RAB11FIP1: variants seen among roughly 807,000 people sequenced by gnomAD.
RAB11FIP1 encodes RAB11 family interacting protein 1.
In RAB11FIP1, 49 loss-of-function variants were observed where a neutral mutation model predicts 83.1. The ratio of observed to expected loss-of-function variants is 0.59; its 90% CI spans 0.47 to 0.75. RAB11FIP1 has a LOEUF of 0.75. Ranked by LOEUF, RAB11FIP1 falls within the 30% of genes least tolerant of loss-of-function variation. The pLI, the probability that RAB11FIP1 is intolerant of heterozygous loss-of-function variation, is 0.00. For synonymous variants in RAB11FIP1, 670 were observed against 656.0 expected, an observed-to-expected ratio of 1.02 and a Z score of -0.33; for missense variants, 1,536 against 1,598.7, an observed-to-expected ratio of 0.96 and a Z score of 0.67.
intron 5 of RAB11FIP1, among the ~76,000 whole-genome samples, chr8:37,869,819 T>C (rs997584256): frequency 2.0e-5 from 3 of 152,302 alleles, no homozygotes; most frequent in African/African-American, 7.2e-5. Context: ...TGTTAACCAC[T>C]AGAGAACTGG....
intron 3 of RAB11FIP1, among the ~76,000 whole-genome samples, 170 bp downstream of exon 3, chr8:37,874,345 C>T (rs913068800): frequency 2.6e-5 from 4 of 152,232 alleles, no homozygotes; most frequent in African/African-American, 9.6e-5. Flanking sequence ...TTATACAGGG[C>T]AGGCCAGGCT....
intron 1 of RAB11FIP1, among the ~76,000 whole-genome samples, chr8:37,884,881 C>T (rs1233487177): frequency 6.6e-6 from 1 of 151,930 alleles, no homozygotes; most frequent in Non-Finnish European, 1.5e-5. Flanking sequence ...TAGGGTCTTG[C>T]TATGCTGCCC....
chr8:37,881,527 A>T (rs1299721732), intron 1 of RAB11FIP1, among the ~76,000 whole-genome samples: 5 of 152,242 alleles, frequency 3.3e-5, no homozygotes, highest in Admixed American at 1.3e-4. Flanking sequence ...CAGTATACAA[A>T]GTCATCAAGA....
Position 37,874,830 on chromosome 8 carries a change from A to G in RAB11FIP1, c.1307T>C (p.Leu436Ser). The G allele has an allele frequency of 6.2e-7, 1 of 1,614,098 alleles. No individual in the cohort carries two copies. The highest frequency in any genetic ancestry group is 8.5e-7 in the Non-Finnish European group (1 of 1,180,018). ...SKKPESRRSS[L>S]LSLMTGKKDV... The stretch of plus-strand genomic sequence containing the variant: ...CTTCTTCCCCGTCATCAGAGACAGC[A>G]AAGAGGACCTCCTGCTCTCTGGCTT... The change falls in exon 3 of 6, where the codon TTG becomes TCG. Residue 436 changes from leucine to serine, a missense_variant. Physicochemically the swap from Leu to Ser is moderately radical, Grantham distance 145. Coordinates refer to ENST00000330843, the MANE Select transcript of RAB11FIP1 (RefSeq NM_001002814.3).
intron 1 of RAB11FIP1, among the ~76,000 whole-genome samples, chr8:37,897,788 C>T (rs1807119562): frequency 6.6e-6 from 1 of 152,138 alleles, no homozygotes; most frequent in African/African-American, 2.4e-5. Flanking sequence ...CCAGGGCACA[C>T]ACCACACTGT....
At chr8:37,893,517 C>T (rs1230374458) in intron 1 of RAB11FIP1, among the ~76,000 whole-genome samples, 1 of 152,058 alleles carries the variant, frequency 6.6e-6, no homozygotes, top group Non-Finnish European at 1.5e-5. Flanking sequence ...AGCAAGGTGG[C>T]GCACACCTGT....
chr8:37,898,633 CAG>C (rs1282039501), intron 1 of RAB11FIP1, among the ~76,000 whole-genome samples: 1 of 111,972 alleles, frequency 8.9e-6, no homozygotes, highest in Non-Finnish European at 1.7e-5. Context: ...AGCCTGGCGA[CAG>C]AGTGAGACTC....
In RAB11FIP1 at chr8:37,877,346, T is replaced by C; in HGVS notation, c.577A>G (p.Ile193Val). ...DSGSDTASAIIPSTTPSVDSD... is the reference protein window; with the variant it reads ...DSGSDTASAIVPSTTPSVDSD... Reference sequence around the variant, plus strand: ...TCGACCGAAGGTGTCGTGCTAGGGATGATGGCGGAGGCGGTGTCTGACCCA... The same window carrying C: ...TCGACCGAAGGTGTCGTGCTAGGGACGATGGCGGAGGCGGTGTCTGACCCA... Residue 193 changes from isoleucine (I) to valine (V), a missense_variant, in exon 2 of 6, where the codon ATC becomes GTC. Ile to Val is a conservative substitution (Grantham distance 29). Coordinates refer to ENST00000330843, the MANE Select transcript of RAB11FIP1 (RefSeq NM_001002814.3). The C allele has an allele frequency of 1.2e-6, 2 of 1,614,228 alleles. No individual in the cohort carries two copies. The highest frequency in any genetic ancestry group is 1.7e-6 in the Non-Finnish European group (2 of 1,180,034).
chr8:37,865,647 A>G (rs930421702), intron 5 of RAB11FIP1, among the ~76,000 whole-genome samples: 1 of 152,170 alleles, frequency 6.6e-6, no homozygotes, highest in Non-Finnish European at 1.5e-5. Flanking sequence ...GATATGTTTT[A>G]TAATGTCAGC....
In RAB11FIP1 at chr8:37,872,148, A is replaced by G; in HGVS notation, c.2654T>C (p.Leu885Pro). The G allele has an allele frequency of 6.2e-7, 1 of 1,613,868 alleles. No homozygotes were observed. Among genetic ancestry groups the G allele is most frequent in the Non-Finnish European group, 8.5e-7 (1 of 1,179,920 alleles). ...ACTCTCCTCCTGGGAGGGGAGGAGG[A>G]GGTGATCCGCTGGGGAGGCTGGCGC... Reference protein sequence around the residue: ...CGAPASPADHLLLPSQEESFS... With the variant: ...CGAPASPADHPLLPSQEESFS... The change falls in exon 4 of 6, where the codon CTC becomes CCC. Residue 885 changes from leucine to proline, a missense_variant. Transcript: ENST00000330843.
chr8:37,874,075 A>G (rs1806547730), intron 3 of RAB11FIP1, among the ~76,000 whole-genome samples: 1 of 152,260 alleles, frequency 6.6e-6, no homozygotes, highest in African/African-American at 2.4e-5. Flanking sequence ...CACTTGAGAG[A>G]GGACCGAGGG....
Position 37,862,921 on chromosome 8 carries a change from C to T in RAB11FIP1, c.3826G>A (p.Val1276Ile). The T allele has an allele frequency of 5.0e-6, 8 of 1,609,150 alleles. No individual in the cohort carries two copies. The highest frequency in any genetic ancestry group is 6.8e-6 in the Non-Finnish European group (8 of 1,177,436). The change falls in exon 6 of 6, where the codon GTT becomes ATT. Residue 1276 changes from valine (V) to isoleucine (I), a missense_variant. Coordinates refer to ENST00000330843, the MANE Select transcript of RAB11FIP1 (RefSeq NM_001002814.3). ...TACATCTTTCCTGCTTTTTTGCCAACCTGAGTCGGGATGCGGAGGATATTG... is the reference window on the plus strand; with the variant it reads ...TACATCTTTCCTGCTTTTTTGCCAATCTGAGTCGGGATGCGGAGGATATTG... ...TPNILRIPTQ[V>I]GKKAGKM is the part of the protein sequence containing the mutation.
At position 37,864,543 on chromosome 8, in the gene RAB11FIP1, A is replaced by C. The variant is rs145102532; in HGVS notation, c.3634-1430T>G. On this transcript the variant is annotated intron_variant, in intron 5 of 5. Coordinates refer to ENST00000330843, the MANE Select transcript of RAB11FIP1 (RefSeq NM_001002814.3). Reference sequence around the variant, plus strand: ...ACTAGTTCCTCAGTGACATGATAGGAGCCCCAGTTCAGTCAGTGACGCAAA... The same window carrying C: ...ACTAGTTCCTCAGTGACATGATAGGCGCCCCAGTTCAGTCAGTGACGCAAA... Among the ~76,000 whole-genome samples the C allele has an allele frequency of 2.1e-3, 321 of 152,290 alleles. 7 individuals carry two copies. The highest frequency in any genetic ancestry group is 0.02 in the Admixed American group (307 of 15,288).
At chr8:37,865,500 A>T (rs1806325054) in intron 5 of RAB11FIP1, among the ~76,000 whole-genome samples, 1 of 151,938 alleles carries the variant, frequency 6.6e-6, no homozygotes, top group African/African-American at 2.4e-5. Flanking sequence ...TTGTATTTTT[A>T]GTAGAGACAG....
intron 1 of RAB11FIP1, among the ~76,000 whole-genome samples, chr8:37,892,498 A>G (rs1806968596): frequency 6.6e-6 from 1 of 151,396 alleles, no homozygotes; most frequent in African/African-American, 2.4e-5. Flanking sequence ...CTTGTTGCCC[A>G]GGCTGGAGTG....
chr8:37,885,506 T>C (rs2130179121), intron 1 of RAB11FIP1, among the ~76,000 whole-genome samples: 1 of 152,286 alleles, frequency 6.6e-6, no homozygotes, highest in Non-Finnish European at 1.5e-5. Context: ...CCAAATAGGC[T>C]ACCCTGCAGT....
At position 37,862,936 on chromosome 8, in the gene RAB11FIP1, G is replaced by A. The variant is rs147352550; in HGVS notation, c.3811C>T (p.Arg1271Cys). ...RVMEETPNILRIPTQVGKKAG... is the reference protein window; with the variant it reads ...RVMEETPNILCIPTQVGKKAG... ...TTTTTGCCAACCTGAGTCGGGATGC[G>A]GAGGATATTGGGGGTTTCTTCCATG... is the stretch of plus-strand genomic sequence containing the variant. The change falls in exon 6 of 6, where the codon CGC (arginine) becomes TGC (cysteine). Residue 1271 changes from arginine (R) to cysteine (C), a missense_variant. By Grantham distance (180) the Arg-to-Cys change is radical (BLOSUM62 -3). Coordinates refer to ENST00000330843, the MANE Select transcript of RAB11FIP1 (RefSeq NM_001002814.3). The A allele has an allele frequency of 4.6e-5, 75 of 1,613,362 alleles. No homozygotes were observed. Among genetic ancestry groups the A allele is most frequent in the East Asian group, 1.8e-4 (8 of 44,854 alleles).
intron 1 of RAB11FIP1, 92 bp downstream of exon 1, chr8:37,898,979 C>G (rs542027687): frequency 7.8e-7 from 1 of 1,289,988 alleles, no homozygotes; most frequent in Admixed American, 3.8e-5. Context: ...CGCTGCTGCC[C>G]GGCTTACTCT....
intron 1 of RAB11FIP1, among the ~76,000 whole-genome samples, chr8:37,884,553 A>AGTT (rs960801177): frequency 4.0e-5 from 6 of 150,632 alleles, no homozygotes; most frequent in African/African-American, 1.2e-4. Context: ...ACACCCAACT[A>AGTT]GTTGTTGTTG....
Sources: gnomAD v4.1 joint callset for allele counts (sites outside exome capture counted in the v4.1 genomes callset) on GRCh38, gnomAD v4.1.1 for gene constraint, MANE v1.5 for transcripts, NCBI Gene and HGNC (gene_info 2026-07-23, HGNC 2026-07-21) for gene names.